RBKS: variants seen among roughly 807,000 people sequenced by gnomAD.
The protein encoded by RBKS is ribokinase.
Under a neutral mutation model 33.9 loss-of-function variants are expected in RBKS, and 33 were observed. That is an observed-to-expected ratio of 0.97 (90% CI 0.74 to 1.30). The LOEUF is 1.30. Ranked by LOEUF, RBKS falls within the 50% of genes most tolerant of loss-of-function variation. The pLI, the probability that RBKS is intolerant of heterozygous loss-of-function variation, is 0.00. For missense variants in RBKS, 361 were observed against 392.6 expected, an observed-to-expected ratio of 0.92 and a Z score of 0.68; for synonymous variants, 125 against 143.0, an observed-to-expected ratio of 0.87 and a Z score of 0.90.
Position 27,827,275 on chromosome 2 carries a change from T to C in RBKS, c.795+292A>G, listed in dbSNP as rs566176075. 1.3e-3 allele frequency among the ~76,000 whole-genome samples: 196 copies of C among 152,372 alleles called. 1 individual carries two copies. The highest frequency in any genetic ancestry group is 4.6e-3 in the African/African-American group (190 of 41,598). On this transcript the variant is annotated intron_variant, in intron 7 of 7. Transcript: ENST00000302188. ...TATTCCACAAATCCCTATTTGTTGA[T>C]GAATGACTGGATAAATGAATGAATA...
intron 7 of RBKS, among the ~76,000 whole-genome samples, chr2:27,793,008 G>A (rs1352192323): frequency 6.6e-6 from 1 of 152,172 alleles, no homozygotes; most frequent in African/African-American, 2.4e-5. Context: ...CATCAGGAAA[G>A]AGCTCTGGCT....
At chr2:27,884,555 T>TC (rs1414736655) in intron 1 of RBKS, among the ~76,000 whole-genome samples, 1 of 148,732 alleles carries the variant, frequency 6.7e-6, no homozygotes, top group Admixed American at 6.6e-5. Context: ...GCCATAACTT[T>TC]TTTTTTTTAA....
At chr2:27,867,731 T>A (rs1222591931) in intron 1 of RBKS, among the ~76,000 whole-genome samples, 2 of 152,170 alleles carry the variant, frequency 1.3e-5, no homozygotes, top group Non-Finnish European at 1.5e-5. Flanking sequence ...AGGTGGGGAA[T>A]GAGCTAATTT....
At chr2:27,849,446 C>A (rs1663689390) in intron 2 of RBKS, among the ~76,000 whole-genome samples, 1 of 150,092 alleles carries the variant, frequency 6.7e-6, no homozygotes, top group African/African-American at 2.4e-5. Context: ...GCCTGTAGTC[C>A]CAGTTACTTG....
intron 7 of RBKS, among the ~76,000 whole-genome samples, chr2:27,789,939 ATGTATATG>A (rs1677483151): frequency 8.5e-6 from 1 of 118,214 alleles, no homozygotes; most frequent in African/African-American, 3.2e-5. Flanking sequence ...ATATATATAT[ATGTATATG>A]TGTATATATA....
intron 1 of RBKS, among the ~76,000 whole-genome samples, chr2:27,888,525 G>T (rs1447672501): frequency 6.6e-6 from 1 of 152,184 alleles, no homozygotes; most frequent in Non-Finnish European, 1.5e-5. Flanking sequence ...TTAGATGAAG[G>T]TTTATTCCTT....
chr2:27,857,459 T>C (rs1663880248), intron 2 of RBKS, among the ~76,000 whole-genome samples: 1 of 152,212 alleles, frequency 6.6e-6, no homozygotes, highest in Non-Finnish European at 1.5e-5. Flanking sequence ...CAATATCATA[T>C]CTCTACATAC....
At chr2:27,821,929 G>A (rs1308517181) in intron 7 of RBKS, among the ~76,000 whole-genome samples, 1 of 152,040 alleles carries the variant, frequency 6.6e-6, no homozygotes, top group Non-Finnish European at 1.5e-5. Flanking sequence ...AAACAGTAAG[G>A]GACACCGAAA....
At chr2:27,884,854 G>C (rs1664495691) in intron 1 of RBKS, among the ~76,000 whole-genome samples, 1 of 152,188 alleles carries the variant, frequency 6.6e-6, no homozygotes, top group South Asian at 2.1e-4. Flanking sequence ...GGACTGCAGA[G>C]AGACTTGAAG....
At chr2:27,865,435 A>T (rs1208962021) in intron 1 of RBKS, among the ~76,000 whole-genome samples, 1 of 152,116 alleles carries the variant, frequency 6.6e-6, no homozygotes, top group African/African-American at 2.4e-5. Flanking sequence ...GCTTCCCAAC[A>T]ATTTTCTTCA....
intron 1 of RBKS, chr2:27,870,723 A>C: frequency 2.2e-6 from 1 of 455,486 alleles, no homozygotes; most frequent in South Asian, 1.6e-5. Flanking sequence ...TGAGTAGTGA[A>C]ACCAGAAGCT....
At chr2:27,789,923 GTGTATA>G (rs1558532958) in intron 7 of RBKS, among the ~76,000 whole-genome samples, 6 of 128,066 alleles carry the variant, frequency 4.7e-5, no homozygotes, top group African/African-American at 1.7e-4. Flanking sequence ...GTGTTTGTGT[GTGTATA>G]TATATATATA....
chr2:27,810,800 A>C lies in RBKS; in HGVS notation c.795+16767T>G, dbSNP rs1340451789. On this transcript the variant is annotated intron_variant, in intron 7 of 7. Coordinates refer to ENST00000302188, the MANE Select transcript of RBKS (RefSeq NM_022128.3). The surrounding 1 kb of genome is among the most constrained non-coding windows in gnomAD (Gnocchi z 4.4). ...CAGGCTGCCACCATCTCTCACCCAG[A>C]TCAATACGACAGTCTCTGGACTGTT... Among the ~76,000 whole-genome samples, 2 of 152,120 alleles carry C rather than the reference A, an allele frequency of 1.3e-5. No individual in the cohort carries two copies. Among genetic ancestry groups the C allele is most frequent in the African/African-American group, 4.8e-5 (2 of 41,424 alleles).
At chr2:27,806,071 T>G (rs1480358960) in intron 7 of RBKS, among the ~76,000 whole-genome samples, 1 of 151,080 alleles carries the variant, frequency 6.6e-6, no homozygotes, top group Non-Finnish European at 1.5e-5. Context: ...TTTTGTAGAG[T>G]CAGGGTTTTG....
At chr2:27,860,961 GTCTC>G (rs765759958) in intron 1 of RBKS, among the ~76,000 whole-genome samples, 11 of 147,638 alleles carry the variant, frequency 7.5e-5, no homozygotes, top group Non-Finnish European at 1.6e-4. Flanking sequence ...CTCTGTCTCT[GTCTC>G]TCTTTCTCTC....
intron 5 of RBKS, among the ~76,000 whole-genome samples, chr2:27,840,367 C>CGT (rs1241340878): frequency 1.6e-4 from 15 of 91,558 alleles, no homozygotes; most frequent in African/African-American, 6.4e-4. Flanking sequence ...CGCGCGCGCA[C>CGT]ACACACACAC....
At chr2:27,785,388 T>G (rs1271786853) in intron 7 of RBKS, among the ~76,000 whole-genome samples, 3 of 152,096 alleles carry the variant, frequency 2.0e-5, no homozygotes, top group Admixed American at 6.6e-5. Context: ...TAAAAATGAA[T>G]AAAGATATAG....
At chr2:27,812,571 G>T (rs910105302) in intron 7 of RBKS, among the ~76,000 whole-genome samples, 1 of 152,172 alleles carries the variant, frequency 6.6e-6, no homozygotes, top group Non-Finnish European at 1.5e-5. Flanking sequence ...CATGGATGAA[G>T]CTGGAAACCA....
At chr2:27,789,990 G>GT (rs2148182817) in intron 7 of RBKS, among the ~76,000 whole-genome samples, 1 of 125,230 alleles carries the variant, frequency 8.0e-6, no homozygotes, top group African/African-American at 3.8e-5. Context: ...TATATGTAGA[G>GT]AGAGAGAGAG....
Sources: gnomAD v4.1 joint callset for allele counts (sites outside exome capture counted in the v4.1 genomes callset) on GRCh38, gnomAD v4.1.1 for gene constraint, Gnocchi (gnomAD v3.1) non-coding constraint, MANE v1.5 for transcripts, NCBI Gene and HGNC (gene_info 2026-07-23, HGNC 2026-07-21) for gene names.